SLC41A2: variants seen among roughly 807,000 people sequenced by gnomAD.
SLC41A2 encodes solute carrier family 41 member 2.
A neutral mutation model predicts 58.3 loss-of-function variants in SLC41A2; 32 were observed. The observed-to-expected ratio is 0.55, with a 90% confidence interval of 0.41 to 0.74. The LOEUF (loss-of-function observed/expected upper bound fraction) is 0.74. SLC41A2 is among the 30% of genes least tolerant of loss of function. The pLI is 0.00. For synonymous variants in SLC41A2, 190 were observed against 235.0 expected (o/e 0.81, Z 1.75); for missense variants, 514 against 680.6 (o/e 0.76, Z 2.72).
At chr12:104,878,305 A>G (rs2044161341) in intron 6 of SLC41A2, among the ~76,000 whole-genome samples, 1 of 20,648 alleles carries the variant, frequency 4.8e-5, no homozygotes, top group East Asian at 6.6e-4. Context: ...TATTTTATAT[A>G]TATATATATA....
intron 1 of SLC41A2, among the ~76,000 whole-genome samples, chr12:104,955,470 C>T (rs368736621): frequency 1.1e-4 from 17 of 152,118 alleles, no homozygotes; most frequent in African/African-American, 4.1e-4. Context: ...TCCACTACCC[C>T]CGGTGTTTCC....
At chr12:104,852,879 T>A (rs1481465929) in intron 8 of SLC41A2, among the ~76,000 whole-genome samples, 1 of 152,198 alleles carries the variant, frequency 6.6e-6, no homozygotes, top group Non-Finnish European at 1.5e-5. Flanking sequence ...TGACATACAC[T>A]ATGTTTCTAC....
intron 2 of SLC41A2, among the ~76,000 whole-genome samples, chr12:104,913,581 T>C (rs1233470899): frequency 6.6e-6 from 1 of 152,202 alleles, no homozygotes; most frequent in African/African-American, 2.4e-5. Flanking sequence ...ACTCCTCTTA[T>C]AGCATATTAA....
At chr12:104,817,289 C>T (rs2041450046) in intron 10 of SLC41A2, among the ~76,000 whole-genome samples, 2 of 152,132 alleles carry the variant, frequency 1.3e-5, no homozygotes, top group South Asian at 4.1e-4. Flanking sequence ...CTGGAAGTTG[C>T]TTTGGGTGAG....
rs1565908276 is a variant in SLC41A2 at position 104,928,095 on chromosome 12, C to A, written c.433G>T (p.Val145Leu). ...TTTGGTAATTTTGGGGTCACTTCTACAATAGCATCTTCATCACCATCACTA... is the reference window on the plus strand; with the variant it reads ...TTTGGTAATTTTGGGGTCACTTCTAAAATAGCATCTTCATCACCATCACTA... ...ISSDGDEDAI[V>L]EVTPKLPKES... The change falls in exon 2 of 11, where the codon GTA becomes TTA. Residue 145 changes from valine (V) to leucine (L), a missense_variant. Transcript: ENST00000258538. 6 of 1,614,168 alleles carry A rather than the reference C, an allele frequency of 3.7e-6. No homozygotes were observed. Among genetic ancestry groups the A allele is most frequent in the Non-Finnish European group, 5.1e-6 (6 of 1,180,016 alleles).
chr12:104,817,317 A>G (rs973365329), intron 10 of SLC41A2, among the ~76,000 whole-genome samples: 2 of 152,220 alleles, frequency 1.3e-5, no homozygotes, highest in Admixed American at 6.5e-5. Context: ...ATGAGTAGTA[A>G]GTGAATGTGA....
intron 3 of SLC41A2, among the ~76,000 whole-genome samples, chr12:104,899,963 T>A (rs1023715447): frequency 2.6e-5 from 4 of 152,200 alleles, no homozygotes; most frequent in Non-Finnish European, 5.9e-5. Flanking sequence ...TGCACTTTAG[T>A]ACTTGGTCAC....
chr12:104,867,887 G>A (rs1442732121), intron 6 of SLC41A2, among the ~76,000 whole-genome samples: 1 of 151,434 alleles, frequency 6.6e-6, no homozygotes, highest in African/African-American at 2.4e-5. Context: ...TCTCACCTAT[G>A]ACTAAAGATG....
chr12:104,918,944 A>G (rs2046462654), intron 2 of SLC41A2, among the ~76,000 whole-genome samples: 1 of 152,170 alleles, frequency 6.6e-6, no homozygotes, highest in African/African-American at 2.4e-5. Context: ...CAGTCAAGAT[A>G]TAGAACATTT....
intron 1 of SLC41A2, among the ~76,000 whole-genome samples, chr12:104,957,018 G>T (rs987075873): frequency 6.6e-6 from 1 of 152,166 alleles, no homozygotes; most frequent in African/African-American, 2.4e-5. Flanking sequence ...GTGAAACACG[G>T]AGCAATTGCC....
chr12:104,860,045 C>T (rs753097426), intron 8 of SLC41A2, among the ~76,000 whole-genome samples: 2 of 152,120 alleles, frequency 1.3e-5, no homozygotes, highest in Admixed American at 6.6e-5. Flanking sequence ...GCCCAACTGA[C>T]ATATTTTCTT....
At chr12:104,929,932 T>G (rs1197594172) in intron 1 of SLC41A2, among the ~76,000 whole-genome samples, 1 of 152,206 alleles carries the variant, frequency 6.6e-6, no homozygotes, top group Non-Finnish European at 1.5e-5. Flanking sequence ...TAGCAAGGAA[T>G]GGCAAAGGGA....
rs1435866309 is a variant in SLC41A2 at position 104,803,489 on chromosome 12, A to G, written c.*1663T>C. 6.6e-6 allele frequency: 1 copy of G among 152,162 alleles called. No homozygotes were observed. Among genetic ancestry groups the G allele is most frequent in the Non-Finnish European group, 1.5e-5 (1 of 68,000 alleles). 9.4% of individuals were successfully genotyped at this position (152,162 alleles called of 1,614,324 possible). A position where few individuals can be genotyped will look rare whatever the true frequency, so the allele number is the denominator to read the frequency against. ...ACAGTCCCCTCATTTAAAAGAGCTT[A>G]ACAAGAATACTTTCTGCAATATATT... On this transcript the variant is annotated 3_prime_UTR_variant, in exon 11 of 11. Transcript: ENST00000258538.
At chr12:104,824,786 G>A (rs2041778000) in intron 10 of SLC41A2, among the ~76,000 whole-genome samples, 1 of 152,118 alleles carries the variant, frequency 6.6e-6, no homozygotes, top group African/African-American at 2.4e-5. Context: ...TGAGCAGCTG[G>A]GCACTGAAGA....
intron 2 of SLC41A2, among the ~76,000 whole-genome samples, chr12:104,923,569 C>T (rs1047555896): frequency 5.9e-5 from 9 of 151,670 alleles, no homozygotes; most frequent in African/African-American, 1.7e-4. Context: ...AATCAACAAA[C>T]TTTTAGCTAG....
chr12:104,845,246 G>C (rs2042561908), intron 9 of SLC41A2, among the ~76,000 whole-genome samples: 1 of 152,020 alleles, frequency 6.6e-6, no homozygotes, highest in African/African-American at 2.4e-5. Context: ...AGCTGTGATG[G>C]TACCACTATT....
Position 104,804,965 on chromosome 12 carries a change from A to ATACTC in SLC41A2, c.*182_*186dup, listed in dbSNP as rs1163437484. 7.8e-6 allele frequency: 4 copies of ATACTC among 511,046 alleles called. No individual in the cohort carries two copies. The highest frequency in any genetic ancestry group is 1.9e-5 in the African/African-American group (1 of 51,540). The allele number at this position is 511,046 out of a possible 1,614,324, so 31.7% of individuals were successfully genotyped here. A position where few individuals can be genotyped will look rare whatever the true frequency, so the allele number is the denominator to read the frequency against. ...ATTTATTCTATGAAAAGCAGCACGA[A>ATACTC]TACTCTTCATTCTGGTTTTGACACA... On this transcript the variant is annotated 3_prime_UTR_variant, in exon 11 of 11. Coordinates refer to ENST00000258538, the MANE Select transcript of SLC41A2 (RefSeq NM_001352171.3).
intron 3 of SLC41A2, among the ~76,000 whole-genome samples, chr12:104,905,571 T>C (rs947274132): frequency 5.3e-5 from 8 of 152,172 alleles, no homozygotes; most frequent in African/African-American, 1.9e-4. Flanking sequence ...GGGGTGGCGC[T>C]CATCGGGGAG....
chr12:104,805,456 A>G, intron 10 of SLC41A2, 119 bp from the exon 11 acceptor site: 1 of 646,572 alleles, frequency 1.5e-6, no homozygotes, highest in South Asian at 4.5e-5. Flanking sequence ...GTCAAGAACC[A>G]TGCTTGAAAA....
Sources: allele counts gnomAD v4.1 joint callset (sites outside exome capture counted in the v4.1 genomes callset), GRCh38; gene constraint gnomAD v4.1.1; transcripts MANE v1.5; gene names NCBI Gene and HGNC (gene_info 2026-07-23, HGNC 2026-07-21).